CHMP3: variants seen among roughly 807,000 people sequenced by gnomAD.
CHMP3 encodes 25.1 protein.
CHMP3 carries 8 observed loss-of-function variants against 27.4 expected under a neutral mutation model. The observed-to-expected ratio is 0.29, with a 90% CI of 0.17 to 0.53. CHMP3 has a LOEUF of 0.53. Ranked by LOEUF, CHMP3 falls within the 20% of genes least tolerant of loss-of-function variation. The pLI is 0.96. For missense variants in CHMP3, 208 were observed against 271.5 expected (o/e 0.77, Z 1.64); for synonymous variants, 86 against 85.5 (o/e 1.01, Z -0.03).
chr2:86,537,310 G>A (rs1371145523), intron 2 of CHMP3, among the ~76,000 whole-genome samples: 2 of 152,096 alleles, frequency 1.3e-5, no homozygotes, highest in Non-Finnish European at 2.9e-5. Flanking sequence ...TTCAGCTCTG[G>A]AATTTTGGGG....
chr2:86,510,552 T>C (rs1004911227), intron 3 of CHMP3, 73 bp from the exon 4 acceptor site: 13 of 1,573,086 alleles, frequency 8.3e-6, no homozygotes, highest in South Asian at 1.1e-5. Flanking sequence ...TTATGAGCCA[T>C]TCCAATAAAT....
chr2:86,507,785 G>A (rs573643406), intron 4 of CHMP3, among the ~76,000 whole-genome samples, 192 bp from the exon 5 acceptor site: 10 of 152,246 alleles, frequency 6.6e-5, no homozygotes, highest in South Asian at 2.1e-4. Flanking sequence ...AAAGGGAAAC[G>A]GCTCTCTAAA....
At chr2:86,561,759 T>A (rs989357703) in intron 1 of CHMP3, 2 of 152,210 alleles carry the variant, frequency 1.3e-5, no homozygotes, top group African/African-American at 4.8e-5. Context: ...ATCGTGTTCT[T>A]AGCAATTTAT....
intron 1 of CHMP3, among the ~76,000 whole-genome samples, chr2:86,556,638 T>A (rs1370280333): frequency 1.4e-5 from 2 of 147,674 alleles, no homozygotes; most frequent in Non-Finnish European, 2.9e-5. Context: ...CCTTTAATCA[T>A]CCGCCAGCAG....
chr2:86,511,958 G>A (rs1378773168), intron 3 of CHMP3: 2 of 152,096 alleles, frequency 1.3e-5, no homozygotes, highest in Non-Finnish European at 2.9e-5. Context: ...GAAGGGAAGA[G>A]TCAATGTTGT....
intron 3 of CHMP3, among the ~76,000 whole-genome samples, chr2:86,523,461 C>T (rs1225078250): frequency 6.6e-6 from 1 of 152,012 alleles, no homozygotes; most frequent in Admixed American, 6.5e-5. Flanking sequence ...CTGCAATTTA[C>T]CCCATACCTA....
intron 3 of CHMP3, among the ~76,000 whole-genome samples, chr2:86,518,960 G>A (rs1051889908): frequency 1.3e-5 from 2 of 152,134 alleles, no homozygotes; most frequent in Non-Finnish European, 2.9e-5. Context: ...TAAGATAAAT[G>A]TATTCCATGG....
intron 1 of CHMP3, among the ~76,000 whole-genome samples, chr2:86,548,710 C>T (rs577714291): frequency 6.6e-6 from 1 of 152,216 alleles, no homozygotes; most frequent in South Asian, 2.1e-4. Context: ...CTCTTCGGAG[C>T]TATTGGGTAC....
At chr2:86,519,613 C>G (rs973993856) in intron 3 of CHMP3, among the ~76,000 whole-genome samples, 2 of 152,014 alleles carry the variant, frequency 1.3e-5, no homozygotes, top group African/African-American at 2.4e-5. Context: ...TGAAAATAAA[C>G]ATTCATACAG....
intron 1 of CHMP3, among the ~76,000 whole-genome samples, chr2:86,559,631 C>A (rs138585513): frequency 2.0e-5 from 3 of 152,188 alleles, no homozygotes; most frequent in African/African-American, 4.8e-5. Context: ...TAGAAGCTGA[C>A]CCTAAAGTGG....
chr2:86,546,879 T>A (rs140577013), intron 1 of CHMP3, among the ~76,000 whole-genome samples: 1 of 152,256 alleles, frequency 6.6e-6, no homozygotes, highest in African/African-American at 2.4e-5. Flanking sequence ...CTGATAGTAG[T>A]AGACCCTTTA....
In CHMP3 at chr2:86,529,394, A is replaced by C. The variant is rs1475865871; in HGVS notation, c.110T>G (p.Ile37Ser). 1 of 1,595,130 alleles carries C rather than the reference A, an allele frequency of 6.3e-7. No homozygotes were observed. The highest frequency in any genetic ancestry group is 8.5e-7 in the Non-Finnish European group (1 of 1,171,972). Reference protein sequence around the residue: ...MRVVDRQIRDIQREEEKVKRS... With the variant: ...MRVVDRQIRDSQREEEKVKRS... ...TTTCACTTTTTCTTCTTCTCTTTGGATATCTAAATTTAGAACAGAACACCA... is the reference window on the plus strand; with the variant it reads ...TTTCACTTTTTCTTCTTCTCTTTGGCTATCTAAATTTAGAACAGAACACCA... The change falls in exon 3 of 6, where the codon ATC (isoleucine) becomes AGC (serine). Residue 37 changes from isoleucine (I) to serine (S), a missense_variant. Physicochemically the swap from Ile to Ser is moderately radical, Grantham distance 142 (BLOSUM62 -2). Transcript: ENST00000263856.
intron 4 of CHMP3, among the ~76,000 whole-genome samples, chr2:86,508,519 G>A (rs1674972435): frequency 1.3e-5 from 2 of 152,152 alleles, no homozygotes; most frequent in South Asian, 4.2e-4. Context: ...CATGGGTTCA[G>A]GTTTCTGAGA....
chr2:86,544,297 T>C (rs1676471044), intron 1 of CHMP3, among the ~76,000 whole-genome samples: 1 of 152,262 alleles, frequency 6.6e-6, no homozygotes, highest in South Asian at 2.1e-4. Context: ...GATAGCTGTC[T>C]GCTGAGTGTG....
chr2:86,543,605 T>G (rs1676445328), intron 1 of CHMP3, among the ~76,000 whole-genome samples: 1 of 152,236 alleles, frequency 6.6e-6, no homozygotes, highest in African/African-American at 2.4e-5. Context: ...TTTAAAACAA[T>G]TACATAATCC....
chr2:86,520,654 G>T (rs1387767578), intron 3 of CHMP3, among the ~76,000 whole-genome samples: 1 of 152,134 alleles, frequency 6.6e-6, no homozygotes, highest in Non-Finnish European at 1.5e-5. Flanking sequence ...CAACAAATTG[G>T]TTTAAATTTC....
At chr2:86,560,756 T>A (rs561415666) in intron 1 of CHMP3, among the ~76,000 whole-genome samples, 31 of 150,926 alleles carry the variant, frequency 2.1e-4, no homozygotes, top group African/African-American at 7.5e-4. Flanking sequence ...TTCTGCAGAC[T>A]GTACGGGAAG....
chr2:86,522,695 T>G (rs1207819682), intron 3 of CHMP3, among the ~76,000 whole-genome samples: 1 of 152,166 alleles, frequency 6.6e-6, no homozygotes, highest in Non-Finnish European at 1.5e-5. Flanking sequence ...TAGACTAACC[T>G]ATTCCATTCC....
intron 1 of CHMP3, among the ~76,000 whole-genome samples, chr2:86,543,933 C>T (rs1164688056): frequency 2.6e-5 from 4 of 152,194 alleles, no homozygotes; most frequent in African/African-American, 9.7e-5. Context: ...ATACAACCAC[C>T]ACCTCCCTAT....
Sources: gnomAD v4.1 joint callset for allele counts (sites outside exome capture counted in the v4.1 genomes callset) on GRCh38, gnomAD v4.1.1 for gene constraint, MANE v1.5 for transcripts, NCBI Gene and HGNC (gene_info 2026-07-23, HGNC 2026-07-21) for gene names.